The following TRPC7 variants were observed in gnomAD, a reference collection of about 807,000 sequenced individuals.
TRPC7 encodes the protein short transient receptor potential channel 7.
In TRPC7, 42 loss-of-function variants were observed where a neutral mutation model predicts 90.1. That is an observed-to-expected ratio of 0.47 (90% CI 0.36 to 0.60). TRPC7 has a LOEUF of 0.60. TRPC7 is among the 20% of genes least tolerant of loss of function. The pLI is 0.00. For synonymous variants in TRPC7, 451 were observed against 436.3 expected, an observed-to-expected ratio of 1.03 and a Z score of -0.42; for missense variants, 955 against 1,112.3, an observed-to-expected ratio of 0.86 and a Z score of 2.01.
chr5:136,356,965 C>T lies in TRPC7; in HGVS notation c.423G>A (p.Pro141=), dbSNP rs549522167. The T allele has an allele frequency of 2.8e-5, 45 of 1,612,276 alleles. No individual in the cohort carries two copies. The Admixed American group carries it at 6.7e-4, about 24-fold the overall frequency. Reference sequence around the variant, plus strand: ...CGTCGTCGCGCAGCTCCTGTTCCAGCGGGCTGAGCGTCAGGCGCTGGCCCT... The same window carrying T: ...CGTCGTCGCGCAGCTCCTGTTCCAGTGGGCTGAGCGTCAGGCGCTGGCCCT... ...FAQGQRLTLS[P]LEQELRDDDF... Residue 141 remains proline (P), a synonymous_variant, in exon 2 of 12, where the codon CCG becomes CCA. Transcript: ENST00000513104.
chr5:136,354,151 G>T (rs1979835), intron 2 of TRPC7, among the ~76,000 whole-genome samples: 6 of 151,892 alleles, frequency 4.0e-5, no homozygotes, highest in African/African-American at 1.5e-4. Flanking sequence ...TGTTCCTTTC[G>T]CACGGCCAAT....
At chr5:136,266,169 T>G (rs1244435521) in intron 5 of TRPC7, 51 bp downstream of exon 5, 1 of 1,501,056 alleles carries the variant, frequency 6.7e-7, no homozygotes, top group African/African-American at 1.4e-5. Flanking sequence ...AGTTTAATAA[T>G]GTCCTACTAT....
chr5:136,305,562 A>T (rs1758592291), intron 3 of TRPC7, among the ~76,000 whole-genome samples: 3 of 152,148 alleles, frequency 2.0e-5, no homozygotes, highest in East Asian at 1.9e-4. Context: ...CCAACTCAGC[A>T]AACTAAAATA....
At chr5:136,235,825 A>G (rs1229066124) in intron 7 of TRPC7, among the ~76,000 whole-genome samples, 1 of 152,198 alleles carries the variant, frequency 6.6e-6, no homozygotes, top group African/African-American at 2.4e-5. Flanking sequence ...AGCTAGTTAT[A>G]AAGTTTGCCA....
chr5:136,339,562 C>G (rs1759778142), intron 2 of TRPC7, among the ~76,000 whole-genome samples: 1 of 152,116 alleles, frequency 6.6e-6, no homozygotes, highest in Non-Finnish European at 1.5e-5. Flanking sequence ...CTTTTGCATT[C>G]TGGTGACCAA....
chr5:136,350,797 C>T (rs1477267180), intron 2 of TRPC7, among the ~76,000 whole-genome samples: 1 of 152,174 alleles, frequency 6.6e-6, no homozygotes, highest in African/African-American at 2.4e-5. Context: ...AACTCATCAC[C>T]TGATATCCAT....
intron 3 of TRPC7, among the ~76,000 whole-genome samples, chr5:136,307,816 G>A (rs565068019): frequency 3.5e-4 from 54 of 152,330 alleles, no homozygotes; most frequent in African/African-American, 1.1e-3. Flanking sequence ...AGCCTTAAGT[G>A]TAATTCTGCT....
At chr5:136,334,039 A>AT (rs933173920) in intron 2 of TRPC7, among the ~76,000 whole-genome samples, 14 of 151,782 alleles carry the variant, frequency 9.2e-5, no homozygotes, top group South Asian at 2.1e-4. Flanking sequence ...TGAAAATTTG[A>AT]TTTTTTTTTA....
At position 136,338,881 on chromosome 5, in the gene TRPC7, C is replaced by T. The variant is rs58393191; in HGVS notation, c.780+17727G>A. On this transcript the variant is annotated intron_variant, in intron 2 of 11. Transcript: ENST00000513104. ...TTGTTACCACTCTACAGCCTAAAAA[C>T]CAAACACGAAAATCATCCAAAACTT... is the stretch of plus-strand genomic sequence containing the variant. Among the ~76,000 whole-genome samples, 550 of 151,896 alleles carry T rather than the reference C, an allele frequency of 3.6e-3. 4 individuals carry two copies. The highest frequency in any genetic ancestry group is 0.012 in the African/African-American group (509 of 41,388).
chr5:136,269,358 G>T (rs1757131215), intron 4 of TRPC7, among the ~76,000 whole-genome samples: 1 of 152,172 alleles, frequency 6.6e-6, no homozygotes, highest in Non-Finnish European at 1.5e-5. Flanking sequence ...CAAGAAAATT[G>T]CCTTCATGGA....
chr5:136,253,546 C>T (rs777302704), intron 5 of TRPC7, among the ~76,000 whole-genome samples: 2 of 152,028 alleles, frequency 1.3e-5, no homozygotes, highest in Non-Finnish European at 1.5e-5. Flanking sequence ...TGGTCTGTGA[C>T]CAGTGGTCTT....
chr5:136,332,567 G>A (rs1759534717), intron 2 of TRPC7, among the ~76,000 whole-genome samples: 1 of 152,182 alleles, frequency 6.6e-6, no homozygotes. Context: ...ACTTGGACCA[G>A]AAGGGAATTG....
At chr5:136,215,581 G>C (rs1443406444) in intron 11 of TRPC7, among the ~76,000 whole-genome samples, 2 of 152,192 alleles carry the variant, frequency 1.3e-5, no homozygotes, top group Admixed American at 6.5e-5. Flanking sequence ...CCAACACTTT[G>C]GGAGGCTGAG....
chr5:136,234,547 A>T (rs1347954981), intron 7 of TRPC7, among the ~76,000 whole-genome samples: 1 of 152,066 alleles, frequency 6.6e-6, no homozygotes, highest in Non-Finnish European at 1.5e-5. Flanking sequence ...TGACCTCATG[A>T]TCTGCCCACC....
chr5:136,350,623 C>T (rs1760164198), intron 2 of TRPC7, among the ~76,000 whole-genome samples: 1 of 152,242 alleles, frequency 6.6e-6, no homozygotes, highest in Non-Finnish European at 1.5e-5. Context: ...ACAAAGCTAA[C>T]ATAAGCAGAA....
At chr5:136,232,868 T>G (rs1755861720) in intron 7 of TRPC7, among the ~76,000 whole-genome samples, 1 of 152,210 alleles carries the variant, frequency 6.6e-6, no homozygotes. Flanking sequence ...AAGCACTTTT[T>G]TTTTTCCTCT....
chr5:136,236,967 TG>T (rs1756000578), intron 7 of TRPC7, among the ~76,000 whole-genome samples: 1 of 152,190 alleles, frequency 6.6e-6, no homozygotes, highest in Non-Finnish European at 1.5e-5. Context: ...GGACAATAGC[TG>T]GCACTCTGCT....
intron 2 of TRPC7, among the ~76,000 whole-genome samples, chr5:136,320,837 A>T (rs1759174954): frequency 6.6e-6 from 1 of 152,100 alleles, no homozygotes; most frequent in South Asian, 2.1e-4. Context: ...CTATCTTTTT[A>T]AAAAAGTGTG....
chr5:136,280,607 G>C (rs1340472427), intron 3 of TRPC7, among the ~76,000 whole-genome samples: 1 of 152,106 alleles, frequency 6.6e-6, no homozygotes, highest in African/African-American at 2.4e-5. Flanking sequence ...CAGGAAGAGG[G>C]GATAAAAGCT....
Sources: gnomAD v4.1 joint callset for allele counts (sites outside exome capture counted in the v4.1 genomes callset) on GRCh38, gnomAD v4.1.1 for gene constraint, MANE v1.5 for transcripts, NCBI Gene and HGNC (gene_info 2026-07-23, HGNC 2026-07-21) for gene names.